The following PUM2 variants were observed in gnomAD, a reference collection of about 807,000 sequenced individuals.
PUM2 encodes pumilio homolog 2.
A neutral mutation model predicts 124.5 loss-of-function variants in PUM2; 57 were observed. The observed-to-expected ratio is 0.46, with a 90% CI of 0.37 to 0.57. The LOEUF is 0.57. Ranked by LOEUF, PUM2 falls within the 20% of genes least tolerant of loss-of-function variation. The pLI, the probability that PUM2 is intolerant of heterozygous loss-of-function variation, is 0.00. For synonymous variants in PUM2, 460 were observed against 446.1 expected (o/e 1.03, Z -0.39); for missense variants, 1,065 against 1,290.6 (o/e 0.83, Z 2.68).
At position 20,249,779 on chromosome 2, in the gene PUM2, C is replaced by T. The variant is rs998541640; in HGVS notation, c.*1806G>A. Reference sequence around the variant, plus strand: ...CATAAATGTTTATACAAAATACTGACTTCAACAAAATACAAAGCACTTTCT... The same window carrying T: ...CATAAATGTTTATACAAAATACTGATTTCAACAAAATACAAAGCACTTTCT... On this transcript the variant is annotated 3_prime_UTR_variant, in exon 21 of 21. Coordinates refer to ENST00000361078, the MANE Select transcript of PUM2 (RefSeq NM_015317.5). 3.3e-5 allele frequency: 5 copies of T among 152,600 alleles called. No individual in the cohort carries two copies. The highest frequency in any genetic ancestry group is 4.8e-5 in the African/African-American group (2 of 41,422). 9.5% of individuals were successfully genotyped at this position (152,600 alleles called of 1,614,324 possible).
At chr2:20,314,673 C>T (rs1680446438) in intron 3 of PUM2, among the ~76,000 whole-genome samples, 1 of 152,130 alleles carries the variant, frequency 6.6e-6, no homozygotes, top group African/African-American at 2.4e-5. Flanking sequence ...GTTTGTTAAA[C>T]CAAATCAAAA....
chr2:20,320,642 T>C (rs1682101197), intron 2 of PUM2, among the ~76,000 whole-genome samples: 2 of 152,114 alleles, frequency 1.3e-5, no homozygotes, highest in Non-Finnish European at 2.9e-5. Flanking sequence ...GGGCTGTAAA[T>C]GACTGGTATT....
At chr2:20,315,799 A>G (rs573194155) in intron 3 of PUM2, among the ~76,000 whole-genome samples, 2 of 150,234 alleles carry the variant, frequency 1.3e-5, no homozygotes, top group Non-Finnish European at 3.0e-5. Flanking sequence ...CATCTCTACC[A>G]AAAATACAAA....
chr2:20,284,021 TTTTATTGTA>T (rs1025382115), intron 10 of PUM2, among the ~76,000 whole-genome samples: 4 of 152,222 alleles, frequency 2.6e-5, no homozygotes, highest in Non-Finnish European at 5.9e-5. Context: ...CAGGCTTTAG[TTTTATTGTA>T]GCCTTAAGCA....
In PUM2 at chr2:20,344,982, CAAAAA is replaced by C. The variant is rs762460030; in HGVS notation, c.-19+5610_-19+5614del. Among the ~76,000 whole-genome samples the C allele has an allele frequency of 1.8e-4, 12 of 66,260 alleles. 1 individual carries two copies. Among genetic ancestry groups the C allele is most frequent in the African/African-American group, 2.8e-4 (5 of 18,010 alleles). The allele number at this position is 66,260 out of a possible 152,430, so 43.5% of individuals were successfully genotyped here. On this transcript the variant is annotated intron_variant, in intron 1 of 20. Transcript: ENST00000361078. ...AGAGCAACGGAGGGAGACTCTGTCTCAAAAAAAAAAAAAAAAAAAAAAGAAAAGAA... is the reference window on the plus strand; with the variant it reads ...AGAGCAACGGAGGGAGACTCTGTCTCAAAAAAAAAAAAAAAAAGAAAAGAA...
chr2:20,267,905 C>G (rs1424559751), intron 13 of PUM2, among the ~76,000 whole-genome samples: 4 of 152,198 alleles, frequency 2.6e-5, no homozygotes, highest in Non-Finnish European at 5.9e-5. Flanking sequence ...AAGCTGAACT[C>G]CAGTAGTTTA....
intron 15 of PUM2, among the ~76,000 whole-genome samples, chr2:20,259,320 A>AT (rs1665610833): frequency 6.6e-6 from 1 of 152,192 alleles, no homozygotes; most frequent in Admixed American, 6.5e-5. Flanking sequence ...TAGCTAGGTG[A>AT]TTGAGTAGCA....
intron 7 of PUM2, among the ~76,000 whole-genome samples, chr2:20,300,860 C>T (rs2148397450): frequency 6.6e-6 from 1 of 151,524 alleles, no homozygotes; most frequent in South Asian, 2.1e-4. Flanking sequence ...GGACAAAGGA[C>T]AGGCAGAGCT....
chr2:20,331,569 G>T (rs1157037273), intron 1 of PUM2: 1 of 150,934 alleles, frequency 6.6e-6, no homozygotes, highest in Non-Finnish European at 1.5e-5. Context: ...TAGTCAATGT[G>T]GGGAAAGGGC....
At chr2:20,287,258 G>A (rs922219409) in intron 10 of PUM2, among the ~76,000 whole-genome samples, 19 of 152,074 alleles carry the variant, frequency 1.2e-4, no homozygotes, top group African/African-American at 4.6e-4. Flanking sequence ...ACCACAAATA[G>A]CTAAATGAAA....
At chr2:20,267,021 T>G (rs188528857) in intron 13 of PUM2, among the ~76,000 whole-genome samples, 40 of 151,506 alleles carry the variant, frequency 2.6e-4, no homozygotes, top group Non-Finnish European at 5.3e-4. Flanking sequence ...ACATCATGCC[T>G]GTAACTTTTT....
chr2:20,329,086 A>C (rs1684315257), intron 1 of PUM2, among the ~76,000 whole-genome samples: 1 of 150,302 alleles, frequency 6.7e-6, no homozygotes, highest in Non-Finnish European at 1.5e-5. Flanking sequence ...TGGGAATATC[A>C]CTTGAGCCTG....
At chr2:20,337,088 T>C (rs946719495) in intron 1 of PUM2, among the ~76,000 whole-genome samples, 4 of 152,088 alleles carry the variant, frequency 2.6e-5, no homozygotes, top group African/African-American at 7.2e-5. Flanking sequence ...ATAAAACTAC[T>C]GATCTAAATA....
chr2:20,293,325 A>T (rs1269250051), intron 9 of PUM2, among the ~76,000 whole-genome samples: 1 of 152,268 alleles, frequency 6.6e-6, no homozygotes, highest in Admixed American at 6.5e-5. Context: ...GTCCAAACAT[A>T]CAGATTACAA....
At chr2:20,307,352 T>C (rs1678581542) in intron 7 of PUM2, among the ~76,000 whole-genome samples, 1 of 152,148 alleles carries the variant, frequency 6.6e-6, no homozygotes. Context: ...CATACAAACT[T>C]AGACAAAATC....
At chr2:20,281,290 T>C (rs999115945) in intron 12 of PUM2, among the ~76,000 whole-genome samples, 1 of 152,104 alleles carries the variant, frequency 6.6e-6, no homozygotes, top group African/African-American at 2.4e-5. Context: ...AAGGTTAGTT[T>C]TGGGGAAACA....
intron 3 of PUM2, among the ~76,000 whole-genome samples, chr2:20,312,858 T>C (rs1679955906): frequency 6.6e-6 from 1 of 152,144 alleles, no homozygotes; most frequent in South Asian, 2.1e-4. Flanking sequence ...ATGGTACTGG[T>C]ACCAAAACAG....
In PUM2 at chr2:20,253,931, C is replaced by T. The variant is rs756253576; in HGVS notation, c.2954G>A (p.Gly985Asp). The change falls in exon 20 of 21, where the codon GGT (glycine) becomes GAT (aspartate). Residue 985 changes from glycine (G) to aspartate (D), a missense_variant. Around this residue, in one of 3 missense-constraint regions of PUM2, gnomAD observed 968 missense variants for 1,159.8 expected, o/e 0.83. Transcript: ENST00000361078. Reference sequence around the variant, plus strand: ...CATGGTGTATAAGGCACTGTGAGGACCATCATTCTGGCAGCAAACCTCGTC... The same window carrying T: ...CATGGTGTATAAGGCACTGTGAGGATCATCATTCTGGCAGCAAACCTCGTC... ...LIDEVCCQND[G>D]PHSALYTMMK... is the part of the protein sequence containing the mutation. 1 of 1,614,038 alleles carries T rather than the reference C, an allele frequency of 6.2e-7. No individual in the cohort carries two copies. Among genetic ancestry groups the T allele is most frequent in the South Asian group, 1.1e-5 (1 of 91,084 alleles).
chr2:20,342,043 C>G (rs1232670757), intron 1 of PUM2, among the ~76,000 whole-genome samples: 4 of 150,722 alleles, frequency 2.7e-5, no homozygotes. Flanking sequence ...GCAGGAGAAT[C>G]GCTTAAACCC....
Sources: gnomAD v4.1 joint callset for allele counts (sites outside exome capture counted in the v4.1 genomes callset) on GRCh38, gnomAD v4.1.1 for gene constraint, gnomAD v4.1.1 regional missense constraint, MANE v1.5 for transcripts, NCBI Gene and HGNC (gene_info 2026-07-23, HGNC 2026-07-21) for gene names.